The following KCTD1 variants were observed in gnomAD, a reference collection of about 807,000 sequenced individuals.
KCTD1 encodes BTB/POZ domain-containing protein KCTD1.
A neutral mutation model predicts 66.0 loss-of-function variants in KCTD1; 24 were observed. The observed-to-expected ratio is 0.36, with a 90% confidence interval of 0.26 to 0.51. KCTD1 has a LOEUF of 0.51. Ranked by LOEUF, KCTD1 falls within the 20% of genes least tolerant of loss-of-function variation. KCTD1 has a pLI of 0.95. For synonymous variants in KCTD1, 511 were observed against 517.2 expected, an observed-to-expected ratio of 0.99 and a Z score of 0.16; for missense variants, 943 against 1,205.2, an observed-to-expected ratio of 0.78 and a Z score of 3.22.
At chr18:26,587,653 G>A (rs1014444025) in intron 1 of KCTD1, among the ~76,000 whole-genome samples, 5 of 152,204 alleles carry the variant, frequency 3.3e-5, no homozygotes, top group Admixed American at 2.0e-4. Flanking sequence ...ATGAGAGGAG[G>A]TAAAAATTAT....
chr18:26,587,913 T>G (rs2144937327), intron 1 of KCTD1, among the ~76,000 whole-genome samples: 1 of 152,344 alleles, frequency 6.6e-6, no homozygotes, highest in East Asian at 1.9e-4. Flanking sequence ...AATCTACTCC[T>G]AGGGAAGATG....
chr18:26,646,281 G>A (rs533551008), intron 1 of KCTD1, among the ~76,000 whole-genome samples: 1 of 152,324 alleles, frequency 6.6e-6, no homozygotes, highest in South Asian at 2.1e-4. Context: ...AGGGGGAGCA[G>A]GAGGGAGAAA....
intron 3 of KCTD1, among the ~76,000 whole-genome samples, chr18:26,471,654 T>G (rs1028615893): frequency 6.6e-6 from 1 of 152,152 alleles, no homozygotes; most frequent in Non-Finnish European, 1.5e-5. Flanking sequence ...GAACCTTGAC[T>G]GTATCAGTGT....
chr18:26,620,344 A>C, intron 1 of KCTD1, among the ~76,000 whole-genome samples: 1 of 98,786 alleles, frequency 1.0e-5, no homozygotes, highest in Non-Finnish European at 2.0e-5. Flanking sequence ...CTGAAGGTAA[A>C]TCTTAAAAAA....
intron 1 of KCTD1, among the ~76,000 whole-genome samples, chr18:26,634,413 A>T (rs1051378426): frequency 6.6e-6 from 1 of 152,202 alleles, no homozygotes; most frequent in Non-Finnish European, 1.5e-5. Flanking sequence ...ACACATATAT[A>T]TGCATGTGTG....
chr18:26,514,723 C>T (rs1041256748), intron 1 of KCTD1, among the ~76,000 whole-genome samples: 1 of 152,208 alleles, frequency 6.6e-6, no homozygotes, highest in Admixed American at 6.5e-5. Context: ...TCACTGGGAT[C>T]TTTGTCCTCA....
upstream of KCTD1, chr18:26,548,918 G>A: frequency 3.0e-5 from 30 of 989,420 alleles, no homozygotes; most frequent in Non-Finnish European, 3.6e-5. Flanking sequence ...CGCGGGCCCG[G>A]GCGGGAGAGA....
chr18:26,605,730 ATCTATCTAT>A (rs1986998633), intron 1 of KCTD1, among the ~76,000 whole-genome samples: 1 of 109,956 alleles, frequency 9.1e-6, no homozygotes, highest in African/African-American at 3.4e-5. Context: ...CTCTATATCT[ATCTATCTAT>A]CTATCTATCT....
At chr18:26,505,135 A>AT (rs1982965283) in intron 1 of KCTD1, among the ~76,000 whole-genome samples, 1 of 152,282 alleles carries the variant, frequency 6.6e-6, no homozygotes, top group Non-Finnish European at 1.5e-5. Flanking sequence ...CCTTCCTGTT[A>AT]CACAGCTGCT....
intron 1 of KCTD1, chr18:26,599,745 A>G: frequency 6.4e-7 from 1 of 1,569,926 alleles, no homozygotes; most frequent in Non-Finnish European, 8.8e-7. Flanking sequence ...ACAGCATCTA[A>G]GCTGTGTTCA....
chr18:26,493,788 G>A (rs1721087556), intron 2 of KCTD1, among the ~76,000 whole-genome samples: 1 of 151,990 alleles, frequency 6.6e-6, no homozygotes, highest in African/African-American at 2.4e-5. Context: ...TCAAATACTA[G>A]GTCTTACTCG....
intron 1 of KCTD1, among the ~76,000 whole-genome samples, chr18:26,505,533 A>G (rs1982990814): frequency 6.6e-6 from 1 of 152,184 alleles, no homozygotes; most frequent in Admixed American, 6.5e-5. Flanking sequence ...TGTGCAGCCC[A>G]TTGTTCTCTC....
Position 26,532,257 on chromosome 18 carries a change from CCTTCTTTTTTTT to C in KCTD1, c.1809+14459_1809+14470del, listed in dbSNP as rs1378401772. 3.8e-3 allele frequency among the ~76,000 whole-genome samples: 488 copies of C among 128,188 alleles called. 13 individuals carry two copies. The highest frequency in any genetic ancestry group is 0.017 in the East Asian group (83 of 4,870). The allele number at this position is 128,188 out of a possible 152,430, so 84.1% of individuals were successfully genotyped here. On this transcript the variant is annotated intron_variant, in intron 1 of 4. Coordinates refer to ENST00000580059, the MANE Select transcript of KCTD1 (RefSeq NM_001142730.3). ...TATTCTTTTTCTTTTTCTTTTCTTT[CCTTCTTTTTTTT>C]TTTTTTTTTTTTTTTTTTGAGACAG...
chr18:26,657,083 C>G (rs1333764917), intron 1 of KCTD1, among the ~76,000 whole-genome samples: 1 of 151,638 alleles, frequency 6.6e-6, no homozygotes, highest in East Asian at 2.0e-4. Flanking sequence ...TGGCCGCACC[C>G]GCTCCTCCTG....
Position 26,546,908 on chromosome 18 carries a change from C to G in KCTD1, c.1629G>C (p.Ser543=), listed in dbSNP as rs763605547. 1.2e-4 allele frequency: 172 copies of G among 1,482,844 alleles called. No individual in the cohort carries two copies. Among genetic ancestry groups the G allele is most frequent in the Non-Finnish European group, 1.5e-4 (166 of 1,115,478 alleles). The allele number at this position is 1,482,844 out of a possible 1,614,324, so 91.9% of individuals were successfully genotyped here. The change falls in exon 1 of 5, where the codon TCG becomes TCC. Residue 543 remains serine (S), a synonymous_variant. Transcript: ENST00000580059. The part of the protein sequence containing the change: ...KRALYESVFG[S]GEICGPTSPK... ...GGGAAGTGGGGCCGCAGATTTCCCC[C>G]GACCCGAACACAGACTCGTACAGGG...
chr18:26,561,925 A>G (rs1985861939), intron 1 of KCTD1, among the ~76,000 whole-genome samples: 1 of 152,196 alleles, frequency 6.6e-6, no homozygotes, highest in South Asian at 2.1e-4. Flanking sequence ...CCCACCGTCT[A>G]GTCTGGCCTC....
chr18:26,611,391 C>A (rs1027485774), intron 1 of KCTD1, among the ~76,000 whole-genome samples: 9 of 152,030 alleles, frequency 5.9e-5, no homozygotes, highest in African/African-American at 2.2e-4. Flanking sequence ...CTCTCTGTCT[C>A]CCAGGCTGGA....
intron 1 of KCTD1, among the ~76,000 whole-genome samples, chr18:26,528,526 C>A (rs2144768058): frequency 6.6e-6 from 1 of 152,306 alleles, no homozygotes; most frequent in Non-Finnish European, 1.5e-5. Flanking sequence ...CGGGATCCAC[C>A]TATCATCTCC....
upstream of KCTD1, among the ~76,000 whole-genome samples, chr18:26,551,813 A>G (rs1985576829): frequency 6.6e-6 from 1 of 152,198 alleles, no homozygotes; most frequent in Admixed American, 6.5e-5. Context: ...TCTTCTTATT[A>G]TTTCTGTAGA....
Sources: gnomAD v4.1 joint callset for allele counts (sites outside exome capture counted in the v4.1 genomes callset) on GRCh38, gnomAD v4.1.1 for gene constraint, MANE v1.5 for transcripts, NCBI Gene and HGNC (gene_info 2026-07-23, HGNC 2026-07-21) for gene names.